Variants in GALNT13 observed in about 807,000 individuals in gnomAD.
GALNT13 encodes the protein UDP-GalNAc:polypeptide N-acetylgalactosaminyltransferase 13.
Under a neutral mutation model 64.2 loss-of-function variants are expected in GALNT13, and 28 were observed. The ratio of observed to expected loss-of-function variants is 0.44; its 90% CI spans 0.32 to 0.60. The LOEUF (loss-of-function observed/expected upper bound fraction) is 0.60. GALNT13 is among the 20% of genes least tolerant of loss of function. The pLI is 0.05. For synonymous variants in GALNT13, 214 were observed against 224.6 expected, an observed-to-expected ratio of 0.95 and a Z score of 0.42; for missense variants, 577 against 669.8, an observed-to-expected ratio of 0.86 and a Z score of 1.53.
chr2:153,619,165 C>T, the GALNT13 span, among the ~76,000 whole-genome samples: 98 of 151,994 alleles, frequency 6.4e-4, no homozygotes, highest in Middle Eastern at 3.4e-3. Context: ...TAGTTTCTGG[C>T]TTTTTATTTT....
intron 1 of GALNT13, among the ~76,000 whole-genome samples, chr2:153,898,443 GC>G (rs1688021594): frequency 1.3e-5 from 2 of 151,988 alleles, no homozygotes; most frequent in South Asian, 4.1e-4. Flanking sequence ...TTTACCTTTA[GC>G]TGTTAGTGTT....
the GALNT13 span, among the ~76,000 whole-genome samples, chr2:153,359,629 G>GAAAAAAAAAAAAA: frequency 1.1e-4 from 1 of 8,926 alleles, no homozygotes; most frequent in Non-Finnish European, 2.1e-4. Flanking sequence ...CCAGCTTTCA[G>GAAAAAAAAAAAAA]CAAAAAAAAA....
intron 3 of GALNT13, among the ~76,000 whole-genome samples, chr2:153,976,814 T>C (rs1032443671): frequency 6.6e-6 from 1 of 152,072 alleles, no homozygotes; most frequent in African/African-American, 2.4e-5. Flanking sequence ...AATTTGCATA[T>C]TTTTGTAACA....
chr2:154,456,174 T>G (rs536129170), downstream of GALNT13, among the ~76,000 whole-genome samples: 1 of 112,618 alleles, frequency 8.9e-6, no homozygotes, highest in African/African-American at 3.4e-5. Flanking sequence ...ATTTCAGCTT[T>G]TTTTGTTTTG....
the GALNT13 span, among the ~76,000 whole-genome samples, chr2:153,809,089 A>G: frequency 1.3e-5 from 2 of 152,208 alleles, no homozygotes; most frequent in African/African-American, 4.8e-5. Context: ...TGACTCTCAT[A>G]TTTTCTCTCT....
intron 9 of GALNT13, among the ~76,000 whole-genome samples, chr2:154,386,480 C>T (rs936667031): frequency 6.6e-6 from 1 of 151,924 alleles, no homozygotes; most frequent in Non-Finnish European, 1.5e-5. Context: ...TCAGATAAGA[C>T]AAATATAACT....
At chr2:154,226,259 T>A (rs1401701540) in intron 4 of GALNT13, among the ~76,000 whole-genome samples, 5 of 152,124 alleles carry the variant, frequency 3.3e-5, no homozygotes, top group African/African-American at 2.4e-5. Context: ...ATTGAAAAGT[T>A]TACAAATTCT....
chr2:153,824,130 G>A, the GALNT13 span, among the ~76,000 whole-genome samples: 2 of 152,124 alleles, frequency 1.3e-5, no homozygotes, highest in Non-Finnish European at 2.9e-5. Flanking sequence ...ATGCTGGTGA[G>A]CCTGCAGAGG....
At chr2:154,264,351 G>T (rs1293704058) in intron 8 of GALNT13, among the ~76,000 whole-genome samples, 1 of 151,862 alleles carries the variant, frequency 6.6e-6, no homozygotes, top group East Asian at 1.9e-4. Flanking sequence ...TCTGGATGTG[G>T]TGGCTCATGC....
chr2:153,811,484 CTTAT>C, the GALNT13 span, among the ~76,000 whole-genome samples: 1 of 152,076 alleles, frequency 6.6e-6, no homozygotes, highest in Non-Finnish European at 1.5e-5. Flanking sequence ...TTATATATGT[CTTAT>C]TTGTGTTCTG....
chr2:153,352,366 C>T, the GALNT13 span, among the ~76,000 whole-genome samples: 1 of 152,038 alleles, frequency 6.6e-6, no homozygotes, highest in Non-Finnish European at 1.5e-5. Context: ...ACTTCTTTAT[C>T]AGTTATGTCT....
the GALNT13 span, among the ~76,000 whole-genome samples, chr2:153,186,152 G>T: frequency 6.6e-6 from 1 of 152,064 alleles, no homozygotes; most frequent in Non-Finnish European, 1.5e-5. Flanking sequence ...CTGTATGGGT[G>T]CATGTATATT....
chr2:153,768,878 A>G, the GALNT13 span, among the ~76,000 whole-genome samples: 2 of 152,314 alleles, frequency 1.3e-5, no homozygotes, highest in Middle Eastern at 3.4e-3. Flanking sequence ...TAAAATAAAT[A>G]AAAAATAAAA....
At chr2:153,822,943 G>A in the GALNT13 span, among the ~76,000 whole-genome samples, 1 of 151,966 alleles carries the variant, frequency 6.6e-6, no homozygotes, top group Non-Finnish European at 1.5e-5. Context: ...CAAAATATAT[G>A]TGAAAAAAAA....
chr2:153,614,966 T>TTA, the GALNT13 span, among the ~76,000 whole-genome samples: 3 of 151,998 alleles, frequency 2.0e-5, no homozygotes, highest in African/African-American at 7.2e-5. Context: ...AAATAGTAGG[T>TTA]CTTATTCCTT....
the GALNT13 span, chr2:153,337,790 T>C: frequency 6.6e-6 from 1 of 152,216 alleles, no homozygotes; most frequent in African/African-American, 2.4e-5. Context: ...TGTAAGTTGA[T>C]CTAACCTAGT....
the GALNT13 span, among the ~76,000 whole-genome samples, chr2:153,710,942 T>C: frequency 6.6e-6 from 1 of 152,250 alleles, no homozygotes; most frequent in Middle Eastern, 3.4e-3. Flanking sequence ...TTTATTAATC[T>C]ATTTTCTTTA....
intron 3 of GALNT13, among the ~76,000 whole-genome samples, chr2:153,984,734 A>G (rs1378161951): frequency 6.6e-6 from 1 of 151,860 alleles, no homozygotes; most frequent in Non-Finnish European, 1.5e-5. Flanking sequence ...TCTATTTTTA[A>G]TAATTATAGC....
the GALNT13 span, among the ~76,000 whole-genome samples, chr2:153,489,895 G>A: frequency 1.3e-5 from 2 of 151,876 alleles, no homozygotes; most frequent in Non-Finnish European, 2.9e-5. Flanking sequence ...GAGGTGGGAG[G>A]ATTATTAGAG....
Sources: gnomAD v4.1 joint callset for allele counts (sites outside exome capture counted in the v4.1 genomes callset) on GRCh38, gnomAD v4.1.1 for gene constraint, MANE v1.5 for transcripts, NCBI Gene and HGNC (gene_info 2026-07-23, HGNC 2026-07-21) for gene names.